The following STIM1 variants were observed in gnomAD, a reference collection of about 807,000 sequenced individuals.
STIM1 encodes stromal interaction molecule 1.
Under a neutral mutation model 74.7 loss-of-function variants are expected in STIM1, and 25 were observed. The ratio of observed to expected loss-of-function variants is 0.33; its 90% CI spans 0.24 to 0.47. The LOEUF (loss-of-function observed/expected upper bound fraction) is 0.47. STIM1 is among the 20% of genes least tolerant of loss of function. The pLI is 1.00. For synonymous variants in STIM1, 328 were observed against 348.8 expected, an observed-to-expected ratio of 0.94 and a Z score of 0.66; for missense variants, 728 against 920.8, an observed-to-expected ratio of 0.79 and a Z score of 2.71.
chr11:3,973,370 T>A (rs2093414334), intron 2 of STIM1: 1 of 422,722 alleles, frequency 2.4e-6, no homozygotes, highest in Non-Finnish European at 4.6e-6. Flanking sequence ...CATCCCTAAC[T>A]TCATAGTTGT....
chr11:4,019,346 A>G (rs1346072160), intron 2 of STIM1, among the ~76,000 whole-genome samples: 1 of 152,000 alleles, frequency 6.6e-6, no homozygotes, highest in East Asian at 1.9e-4. Flanking sequence ...AAACATTTTT[A>G]AAATTTTATT....
chr11:4,091,681 G>T lies in STIM1; in HGVS notation c.2034G>T (p.Leu678=). Residue 678 remains leucine (L), a synonymous_variant, in exon 13 of 13, where the codon CTG becomes CTT. Transcript: ENST00000526596. The stretch of plus-strand genomic sequence containing the variant: ...GCCGAAACACACGCATTCCCCACCT[G>T]GCTGGCAAGAAGGCTGTGGCTGAGG... ...QASRNTRIPH[L]AGKKAVAEED... 6.2e-7 allele frequency: 1 copy of T among 1,614,226 alleles called. No individual in the cohort carries two copies. The highest frequency in any genetic ancestry group is 8.5e-7 in the Non-Finnish European group (1 of 1,180,044).
intron 1 of STIM1, among the ~76,000 whole-genome samples, chr11:3,909,549 G>T (rs940984096): frequency 6.6e-6 from 1 of 152,168 alleles, no homozygotes; most frequent in Non-Finnish European, 1.5e-5. Flanking sequence ...ATGGGGCTGG[G>T]CGCAGTGGCT....
At chr11:3,935,869 T>G (rs1190327038) in intron 1 of STIM1, among the ~76,000 whole-genome samples, 1 of 152,250 alleles carries the variant, frequency 6.6e-6, no homozygotes, top group South Asian at 2.1e-4. Flanking sequence ...CATTGAGAAC[T>G]AACTACATTA....
chr11:3,899,175 A>G (rs1256730124), intron 1 of STIM1, among the ~76,000 whole-genome samples: 4 of 152,054 alleles, frequency 2.6e-5, no homozygotes, highest in African/African-American at 7.2e-5. Flanking sequence ...ATTTGTTTGT[A>G]TCCTCTTTTA....
intron 1 of STIM1, among the ~76,000 whole-genome samples, chr11:3,897,778 T>C (rs1420686225): frequency 3.3e-5 from 5 of 152,096 alleles, no homozygotes; most frequent in South Asian, 4.1e-4. Context: ...GGTTTTTTGT[T>C]CTTGCGATAG....
intron 2 of STIM1, among the ~76,000 whole-genome samples, chr11:4,014,649 G>T (rs1000467218): frequency 6.6e-6 from 1 of 152,150 alleles, no homozygotes; most frequent in Non-Finnish European, 1.5e-5. Flanking sequence ...TGACAGTGGG[G>T]TGTTAAAGTC....
intron 1 of STIM1, chr11:3,947,681 G>A (rs1398207546): frequency 6.6e-6 from 1 of 152,194 alleles, no homozygotes; most frequent in Non-Finnish European, 1.5e-5. Flanking sequence ...AGAAGCTGGT[G>A]TCACCGAATT....
intron 6 of STIM1, among the ~76,000 whole-genome samples, chr11:4,072,926 G>A (rs375033755): frequency 6.6e-6 from 1 of 151,922 alleles, no homozygotes; most frequent in East Asian, 1.9e-4. Flanking sequence ...TTCTCTTCAG[G>A]GACAAATTAG....
intron 1 of STIM1, among the ~76,000 whole-genome samples, chr11:3,911,137 T>C (rs1050087465): frequency 6.6e-6 from 1 of 152,182 alleles, no homozygotes; most frequent in South Asian, 2.1e-4. Flanking sequence ...GGACTAGGCA[T>C]AGCAGCAAGG....
chr11:3,998,344 C>T (rs1422434837), intron 2 of STIM1, among the ~76,000 whole-genome samples: 1 of 152,194 alleles, frequency 6.6e-6, no homozygotes, highest in Non-Finnish European at 1.5e-5. Context: ...GCTAGTGTAA[C>T]TCTCTGGCTC....
intron 1 of STIM1, among the ~76,000 whole-genome samples, chr11:3,931,782 A>G (rs1055072552): frequency 2.0e-5 from 3 of 152,196 alleles, no homozygotes; most frequent in African/African-American, 7.2e-5. Context: ...TGTATGGCAG[A>G]CACACCTGAA....
intron 1 of STIM1, among the ~76,000 whole-genome samples, chr11:3,956,733 G>A (rs974075957): frequency 6.8e-6 from 1 of 147,992 alleles, no homozygotes; most frequent in African/African-American, 2.5e-5. Context: ...TAAGGCAGGA[G>A]GATTGCTTGA....
intron 1 of STIM1, among the ~76,000 whole-genome samples, chr11:3,866,894 T>G (rs1164804319): frequency 6.6e-6 from 1 of 152,200 alleles, no homozygotes; most frequent in Non-Finnish European, 1.5e-5. Context: ...TTATTATTAT[T>G]ATTTTTGAAT....
chr11:3,933,445 A>C (rs565972970), intron 1 of STIM1, among the ~76,000 whole-genome samples: 5 of 152,216 alleles, frequency 3.3e-5, no homozygotes, highest in Admixed American at 3.3e-4. Flanking sequence ...GTAAACAAGT[A>C]AGTAGTGGTT....
rs535790711 is a variant in STIM1 at position 3,978,394 on chromosome 11, C to T, written c.270+10712C>T. 6.0e-5 allele frequency among the ~76,000 whole-genome samples: 9 copies of T among 150,636 alleles called. No individual in the cohort carries two copies. In the East Asian group the frequency reaches 6.1e-4, roughly 10 times the overall value. On this transcript the variant is annotated intron_variant, in intron 2 of 12. Transcript: ENST00000526596. ...AACTTCTGACCTCAGGTGATCTGCC[C>T]GCCTCGGCCTCCCAAAGTGCTGGGA...
chr11:4,059,964 G>A (rs1391951167), intron 5 of STIM1, among the ~76,000 whole-genome samples: 2 of 152,138 alleles, frequency 1.3e-5, no homozygotes, highest in African/African-American at 4.8e-5. Context: ...ATATCAGCAG[G>A]TTTATATATA....
Position 4,086,433 on chromosome 11 carries a change from A to C in STIM1, c.1568-44A>C, listed in dbSNP as rs753195643. ...GGGCACCTCCTTACCTGCCAGCCCA[A>C]AGTGGGCTGGCCCCTCCTGACACTT... On this transcript the variant is annotated intron_variant, in intron 11 of 12. Transcript: ENST00000526596. 27 of 1,608,112 alleles carry C rather than the reference A, an allele frequency of 1.7e-5. No individual in the cohort carries two copies. The South Asian group carries it at 2.3e-4, about 14-fold the overall frequency.
At chr11:3,900,505 A>G (rs373388354) in intron 1 of STIM1, among the ~76,000 whole-genome samples, 6 of 152,230 alleles carry the variant, frequency 3.9e-5, no homozygotes, top group Non-Finnish European at 8.8e-5. Flanking sequence ...ATGGAAATGC[A>G]GAAATCACCA....
Sources: allele counts gnomAD v4.1 joint callset (sites outside exome capture counted in the v4.1 genomes callset), GRCh38; gene constraint gnomAD v4.1.1; transcripts MANE v1.5; gene names NCBI Gene and HGNC (gene_info 2026-07-23, HGNC 2026-07-21).